The following CLMP variants were observed in gnomAD, a reference collection of about 807,000 sequenced individuals.
CLMP encodes the protein CXADR like cell adhesion molecule.
CLMP carries 27 observed loss-of-function variants against 45.2 expected under a neutral mutation model. The ratio of observed to expected loss-of-function variants is 0.60; its 90% CI spans 0.44 to 0.82. The LOEUF is 0.82. Among genes scored for constraint, CLMP ranks in the 40% least tolerant of loss-of-function variants. The pLI is 0.00. For synonymous variants in CLMP, 167 were observed against 171.4 expected (o/e 0.97, Z 0.20); for missense variants, 403 against 448.4 (o/e 0.90, Z 0.91).
intron 1 of CLMP, among the ~76,000 whole-genome samples, chr11:123,146,234 T>A (rs950400733): frequency 6.6e-6 from 1 of 152,180 alleles, no homozygotes; most frequent in Non-Finnish European, 1.5e-5. Flanking sequence ...TCTTCCCTGT[T>A]AAAATTCAGC....
chr11:123,151,203 G>C (rs190822008), intron 1 of CLMP, among the ~76,000 whole-genome samples: 1 of 152,304 alleles, frequency 6.6e-6, no homozygotes, highest in African/African-American at 2.4e-5. Flanking sequence ...GGAACCATTG[G>C]TTTCTACCTA....
chr11:123,176,293 A>T (rs929497254), intron 1 of CLMP, among the ~76,000 whole-genome samples: 1 of 152,184 alleles, frequency 6.6e-6, no homozygotes. Context: ...GCCCAAGTTT[A>T]TTTTTGAAAT....
chr11:123,085,807 A>C (rs1865859624), intron 2 of CLMP, among the ~76,000 whole-genome samples: 2 of 140,636 alleles, frequency 1.4e-5, no homozygotes. Flanking sequence ...ATAGAGTCTC[A>C]CTCTTGTCGC....
At chr11:123,127,261 A>G (rs1382717289) in intron 1 of CLMP, among the ~76,000 whole-genome samples, 2 of 152,200 alleles carry the variant, frequency 1.3e-5, no homozygotes, top group South Asian at 2.1e-4. Context: ...AGCTGGGATT[A>G]CAAGTATGTA....
At chr11:123,160,745 A>C (rs1379446368) in intron 1 of CLMP, among the ~76,000 whole-genome samples, 2 of 152,094 alleles carry the variant, frequency 1.3e-5, no homozygotes, top group Non-Finnish European at 2.9e-5. Flanking sequence ...TGGGAGGCTG[A>C]GGTGGGCGGA....
intron 1 of CLMP, among the ~76,000 whole-genome samples, chr11:123,161,860 G>T (rs1171384158): frequency 1.3e-5 from 2 of 152,176 alleles, no homozygotes; most frequent in African/African-American, 4.8e-5. Context: ...CCAGCAATCT[G>T]TGTCTTCACA....
At chr11:123,144,230 C>T (rs1861205768) in intron 1 of CLMP, among the ~76,000 whole-genome samples, 1 of 152,160 alleles carries the variant, frequency 6.6e-6, no homozygotes, top group South Asian at 2.1e-4. Flanking sequence ...CCATTTGTTA[C>T]ATAGTAATAG....
chr11:123,117,253 A>T (rs961346407), intron 1 of CLMP, among the ~76,000 whole-genome samples: 32 of 152,036 alleles, frequency 2.1e-4, no homozygotes, highest in African/African-American at 7.7e-4. Flanking sequence ...ATATAATTTC[A>T]TTTAATCAGA....
intron 1 of CLMP, among the ~76,000 whole-genome samples, chr11:123,163,929 T>C (rs1219514421): frequency 6.6e-6 from 1 of 152,218 alleles, no homozygotes; most frequent in Non-Finnish European, 1.5e-5. Context: ...TCACATCGTC[T>C]ACAGGTTCCC....
intron 2 of CLMP, among the ~76,000 whole-genome samples, chr11:123,090,843 T>C (rs1353326167): frequency 1.3e-5 from 2 of 152,134 alleles, no homozygotes; most frequent in Non-Finnish European, 2.9e-5. Flanking sequence ...AGGGAGAAGG[T>C]TGAAGATAAT....
At chr11:123,126,935 C>G (rs1860905004) in intron 1 of CLMP, among the ~76,000 whole-genome samples, 1 of 151,320 alleles carries the variant, frequency 6.6e-6, no homozygotes, top group Admixed American at 6.6e-5. Flanking sequence ...AGTCTCTTCC[C>G]TCATGACACT....
At chr11:123,139,852 A>C (rs533708393) in intron 1 of CLMP, among the ~76,000 whole-genome samples, 6 of 151,414 alleles carry the variant, frequency 4.0e-5, no homozygotes, top group Non-Finnish European at 7.4e-5. Context: ...GAATAAAATA[A>C]AATAAAATAA....
chr11:123,081,199 T>TG (rs1865800607), intron 5 of CLMP, among the ~76,000 whole-genome samples: 1 of 146,202 alleles, frequency 6.8e-6, no homozygotes, highest in South Asian at 2.2e-4. Flanking sequence ...AAAAACAGGG[T>TG]GGGGGTTAGG....
chr11:123,145,552 TC>T (rs1238549863), intron 1 of CLMP, among the ~76,000 whole-genome samples: 1 of 143,092 alleles, frequency 7.0e-6, no homozygotes, highest in African/African-American at 2.5e-5. Flanking sequence ...AACCTCCGCC[TC>T]CCGGATTCAA....
intron 1 of CLMP, among the ~76,000 whole-genome samples, chr11:123,145,673 A>G (rs1312986052): frequency 6.6e-6 from 1 of 152,128 alleles, no homozygotes; most frequent in Non-Finnish European, 1.5e-5. Flanking sequence ...CATGTTGGCC[A>G]GGCTGGTATC....
chr11:123,086,851 G>A (rs542561024), intron 2 of CLMP, among the ~76,000 whole-genome samples: 14 of 152,228 alleles, frequency 9.2e-5, no homozygotes, highest in Middle Eastern at 3.4e-3. Flanking sequence ...CTGTACTCCA[G>A]CCTGGGTGAC....
At chr11:123,158,569 C>T (rs558749719) in intron 1 of CLMP, among the ~76,000 whole-genome samples, 9 of 152,286 alleles carry the variant, frequency 5.9e-5, no homozygotes, top group Non-Finnish European at 1.3e-4. Flanking sequence ...CGTTGTTTTC[C>T]CACACTTGTC....
chr11:123,112,399 G>A (rs1860652510), intron 1 of CLMP, among the ~76,000 whole-genome samples: 1 of 149,168 alleles, frequency 6.7e-6, no homozygotes, highest in African/African-American at 2.5e-5. Context: ...GTGCAGTGGT[G>A]TGATCTCGGC....
At chr11:123,123,891 G>A (rs1269913894) in intron 1 of CLMP, among the ~76,000 whole-genome samples, 1 of 152,296 alleles carries the variant, frequency 6.6e-6, no homozygotes, top group Admixed American at 6.5e-5. Context: ...ATGAAAATCA[G>A]TGCAGGAAAT....
Sources: allele counts gnomAD v4.1 joint callset (sites outside exome capture counted in the v4.1 genomes callset), GRCh38; gene constraint gnomAD v4.1.1; transcripts MANE v1.5; gene names NCBI Gene and HGNC (gene_info 2026-07-23, HGNC 2026-07-21).